The following SSH2 variants were observed in gnomAD, a reference collection of about 807,000 sequenced individuals.
The protein encoded by SSH2 is protein phosphatase Slingshot homolog 2.
In SSH2, 37 loss-of-function variants were observed where a neutral mutation model predicts 135.2. The observed-to-expected ratio is 0.27, with a 90% CI of 0.21 to 0.36. The LOEUF (loss-of-function observed/expected upper bound fraction) is 0.36. Among genes scored for constraint, SSH2 ranks in the 10% least tolerant of loss-of-function variants. The pLI, the probability that SSH2 is intolerant of heterozygous loss-of-function variation, is 1.00. For missense variants in SSH2, 1,408 were observed against 1,765.3 expected (o/e 0.80, Z 3.63); for synonymous variants, 628 against 646.2 (o/e 0.97, Z 0.43).
At chr17:29,697,130 A>T (rs962006099) in intron 4 of SSH2, among the ~76,000 whole-genome samples, 1 of 152,210 alleles carries the variant, frequency 6.6e-6, no homozygotes, top group Non-Finnish European at 1.5e-5. Context: ...CTTTGTTTTA[A>T]CTATTATAGA....
chr17:29,660,512 G>A (rs1053902994), intron 11 of SSH2, among the ~76,000 whole-genome samples: 9 of 151,774 alleles, frequency 5.9e-5, no homozygotes, highest in African/African-American at 1.9e-4. Context: ...TGATCTGCCC[G>A]CTTCAGCCTC....
At chr17:29,788,624 C>T (rs891479928) in intron 3 of SSH2, among the ~76,000 whole-genome samples, 1 of 151,564 alleles carries the variant, frequency 6.6e-6, no homozygotes, top group African/African-American at 2.4e-5. Context: ...CCCTCCCTTC[C>T]TCCCTTCCTC....
At chr17:29,747,876 T>C (rs545386808) in intron 3 of SSH2, among the ~76,000 whole-genome samples, 24 of 152,326 alleles carry the variant, frequency 1.6e-4, no homozygotes, top group African/African-American at 5.5e-4. Context: ...CTCTCTATTA[T>C]TGCGAGACCC....
chr17:29,851,737 C>T (rs2065564712), intron 1 of SSH2, among the ~76,000 whole-genome samples: 1 of 152,036 alleles, frequency 6.6e-6, no homozygotes, highest in Non-Finnish European at 1.5e-5. Flanking sequence ...TATGGTGGCA[C>T]ACCTCTGTAG....
chr17:29,849,366 C>T (rs1414094241), intron 1 of SSH2, among the ~76,000 whole-genome samples: 2 of 151,604 alleles, frequency 1.3e-5, no homozygotes, highest in Non-Finnish European at 2.9e-5. Flanking sequence ...GTAGTCCCAG[C>T]TACTCGGGAG....
intron 2 of SSH2, among the ~76,000 whole-genome samples, chr17:29,848,420 C>T (rs1261112651): frequency 6.6e-6 from 1 of 152,112 alleles, no homozygotes; most frequent in African/African-American, 2.4e-5. Flanking sequence ...ATAGCTAAGA[C>T]ATGTGAGGCC....
intron 1 of SSH2, among the ~76,000 whole-genome samples, chr17:29,894,641 G>C (rs758438238): frequency 3.9e-5 from 6 of 151,924 alleles, no homozygotes; most frequent in Non-Finnish European, 5.9e-5. Context: ...TGAATCTGCA[G>C]ATGCAGAACT....
chr17:29,676,502 T>C (rs764128465), intron 8 of SSH2: 2 of 244,494 alleles, frequency 8.2e-6, no homozygotes, highest in African/African-American at 4.6e-5. Flanking sequence ...ATTTGGCTCT[T>C]AGTCCACTAA....
In SSH2 at chr17:29,627,535, T is replaced by G. The variant is rs1344938312; in HGVS notation, c.*3306A>C. ...TTTGCAAAATGAGAAAGAGGAACTATCAGTAGGGATAAAGACACAGAACAA... is the reference window on the plus strand; with the variant it reads ...TTTGCAAAATGAGAAAGAGGAACTAGCAGTAGGGATAAAGACACAGAACAA... On this transcript the variant is annotated 3_prime_UTR_variant, in exon 16 of 16. Coordinates refer to ENST00000540801, the MANE Select transcript of SSH2 (RefSeq NM_001282129.2). The G allele has an allele frequency of 6.6e-6, 1 of 152,284 alleles. No individual in the cohort carries two copies. The highest frequency in any genetic ancestry group is 1.5e-5 in the Non-Finnish European group (1 of 68,030). The allele number at this position is 152,284 out of a possible 1,614,324, so 9.4% of individuals were successfully genotyped here.
chr17:29,907,812 C>T (rs902105942), intron 1 of SSH2, among the ~76,000 whole-genome samples: 6 of 141,248 alleles, frequency 4.2e-5, no homozygotes, highest in Admixed American at 7.7e-5. Context: ...TCAACCCTGA[C>T]AAAACCTTTT....
At chr17:29,803,428 A>C (rs145080062) in intron 2 of SSH2, among the ~76,000 whole-genome samples, 105 of 152,240 alleles carry the variant, frequency 6.9e-4, no homozygotes, top group African/African-American at 2.5e-3. Flanking sequence ...CATGATTTCT[A>C]ATTTATCTTG....
At chr17:29,854,883 G>A (rs1462685326) in intron 1 of SSH2, among the ~76,000 whole-genome samples, 2 of 151,924 alleles carry the variant, frequency 1.3e-5, no homozygotes, top group Admixed American at 6.6e-5. Flanking sequence ...GGAGGCAGAG[G>A]TTGCAGTGAG....
chr17:29,771,873 CT>C (rs1482271804), intron 3 of SSH2, among the ~76,000 whole-genome samples: 4 of 152,154 alleles, frequency 2.6e-5, no homozygotes, highest in African/African-American at 7.2e-5. Flanking sequence ...CTTTCTATGT[CT>C]TTCTTCTCTG....
chr17:29,677,591 C>T, intron 7 of SSH2, 82 bp downstream of exon 7: 2 of 1,178,624 alleles, frequency 1.7e-6, no homozygotes, highest in Non-Finnish European at 1.3e-6. Context: ...ACTGGGCCTC[C>T]CTTTTAGCTG....
chr17:29,788,257 A>G (rs2042003563), intron 3 of SSH2, among the ~76,000 whole-genome samples: 1 of 152,226 alleles, frequency 6.6e-6, no homozygotes, highest in Non-Finnish European at 1.5e-5. Context: ...TAGACTGGGT[A>G]AAGCAGACTG....
intron 1 of SSH2, among the ~76,000 whole-genome samples, chr17:29,917,020 A>C (rs972614740): frequency 6.6e-5 from 8 of 120,932 alleles, no homozygotes; most frequent in Middle Eastern, 4.2e-3. Flanking sequence ...CTGTAGCAGT[A>C]AAAAAAAAAA....
intron 3 of SSH2, chr17:29,761,411 G>A: frequency 9.4e-7 from 1 of 1,058,962 alleles, no homozygotes; most frequent in African/African-American, 1.7e-5. Flanking sequence ...AAGCCCCAGG[G>A]CTCGGCGGTA....
intron 1 of SSH2, among the ~76,000 whole-genome samples, chr17:29,876,421 G>A (rs373173456): frequency 3.5e-4 from 53 of 152,154 alleles, no homozygotes; most frequent in African/African-American, 1.2e-3. Flanking sequence ...AGAGTTGTTT[G>A]GAGCTCCTCA....
chr17:29,672,179 G>A, intron 8 of SSH2, 50 bp from the exon 9 acceptor site: 10 of 1,468,966 alleles, frequency 6.8e-6, no homozygotes, highest in Non-Finnish European at 9.4e-6. Flanking sequence ...GGGTGCCAAA[G>A]GCCAATAACC....
Sources: allele counts gnomAD v4.1 joint callset (sites outside exome capture counted in the v4.1 genomes callset), GRCh38; gene constraint gnomAD v4.1.1; transcripts MANE v1.5; gene names NCBI Gene and HGNC (gene_info 2026-07-23, HGNC 2026-07-21).